The following NTRK1 variants were observed in gnomAD, a reference collection of about 807,000 sequenced individuals.
NTRK1 encodes neurotrophic receptor tyrosine kinase 1, also known as high affinity nerve growth factor receptor.
A neutral mutation model predicts 86.8 loss-of-function variants in NTRK1; 62 were observed. That is an observed-to-expected ratio of 0.71 (90% CI 0.58 to 0.88). NTRK1 has a LOEUF of 0.88. Among genes scored for constraint, NTRK1 ranks in the 40% least tolerant of loss-of-function variants. NTRK1 has a pLI of 0.00. For missense variants in NTRK1, 967 were observed against 1,078.4 expected (o/e 0.90, Z 1.45); for synonymous variants, 469 against 456.6 (o/e 1.03, Z -0.35).
chr1:156,876,263 T>C (rs1647899274), intron 13 of NTRK1, 53 bp downstream of exon 13: 4 of 1,612,392 alleles, frequency 2.5e-6, no homozygotes, highest in Non-Finnish European at 3.4e-6. Context: ...CCCCAGGAGC[T>C]CCATCACATC....
intron 1 of NTRK1, chr1:156,841,108 G>A (rs1156352369): frequency 6.4e-7 from 1 of 1,554,048 alleles, no homozygotes; most frequent in Non-Finnish European, 8.7e-7. Context: ...CTCCTGCCTG[G>A]TGGGTGTGGG....
At chr1:156,817,047 T>TCTCTC (rs1654008835) in intron 1 of NTRK1, among the ~76,000 whole-genome samples, 2 of 113,782 alleles carry the variant, frequency 1.8e-5, no homozygotes, top group Non-Finnish European at 3.7e-5. Flanking sequence ...GAACTTCCCT[T>TCTCTC]TCTCTCTCTC....
intron 1 of NTRK1, among the ~76,000 whole-genome samples, chr1:156,834,817 G>C (rs372841847): frequency 3.2e-4 from 12 of 37,648 alleles, no homozygotes; most frequent in South Asian, 1.9e-3. Flanking sequence ...CCGGGGAGAC[G>C]GGGGGTTGTA....
intron 2 of NTRK1, chr1:156,844,875 A>G (rs772911319): frequency 1.2e-6 from 2 of 1,612,552 alleles, no homozygotes; most frequent in South Asian, 2.2e-5. Context: ...AGCCGGGCCA[A>G]AAGTGGTTCA....
intron 1 of NTRK1, among the ~76,000 whole-genome samples, chr1:156,830,550 C>CTTT (rs5778003): frequency 3.8e-4 from 40 of 105,382 alleles, no homozygotes; most frequent in African/African-American, 9.2e-4. Flanking sequence ...TTGTGGGATT[C>CTTT]TTTTTTTTTT....
chr1:156,837,267 T>C (rs1008673460), intron 1 of NTRK1: 1 of 152,430 alleles, frequency 6.6e-6, no homozygotes, highest in Admixed American at 6.5e-5. Context: ...CAAGCACCCT[T>C]CACTTCAGCT....
At chr1:156,876,710 A>G in intron 14 of NTRK1, 138 bp downstream of exon 14, 1 of 1,090,840 alleles carries the variant, frequency 9.2e-7, no homozygotes. Context: ...TCCCGTCCCC[A>G]GGGAGCTCTG....
chr1:156,857,558 T>C (rs1264820546), upstream of NTRK1, among the ~76,000 whole-genome samples: 1 of 152,144 alleles, frequency 6.6e-6, no homozygotes, highest in East Asian at 1.9e-4. Context: ...GCATCTGCTG[T>C]GCAGAAGAGG....
intron 2 of NTRK1, chr1:156,845,725 A>G (rs1654974489): frequency 6.2e-7 from 1 of 1,613,438 alleles, no homozygotes; most frequent in Non-Finnish European, 8.5e-7. Context: ...GGGTGCTGGC[A>G]AGGGCAGCAG....
chr1:156,843,318 G>C, intron 2 of NTRK1: 1 of 1,561,130 alleles, frequency 6.4e-7, no homozygotes, highest in Non-Finnish European at 8.8e-7. Context: ...TCTTCTGAAG[G>C]GCTCTTGTCC....
chr1:156,855,037 C>G (rs1299221736), intron 2 of NTRK1, among the ~76,000 whole-genome samples: 1 of 152,158 alleles, frequency 6.6e-6, no homozygotes, highest in East Asian at 1.9e-4. Flanking sequence ...CTATAACAAG[C>G]CAGCAAAGCT....
intron 3 of NTRK1, among the ~76,000 whole-genome samples, chr1:156,865,489 C>G (rs750319650): frequency 6.6e-6 from 1 of 152,236 alleles, no homozygotes; most frequent in Non-Finnish European, 1.5e-5. Flanking sequence ...GGCGGTAATG[C>G]TCACTCACCG....
intron 2 of NTRK1, chr1:156,845,906 C>T: frequency 1.2e-6 from 2 of 1,600,584 alleles, no homozygotes; most frequent in Non-Finnish European, 1.7e-6. Flanking sequence ...TCCATCTCCC[C>T]TTCCCCACCC....
intron 2 of NTRK1, chr1:156,851,679 C>T (rs775141810): frequency 6.2e-7 from 1 of 1,614,212 alleles, no homozygotes; most frequent in East Asian, 2.2e-5. Flanking sequence ...AGGCTTCCCT[C>T]CACATGCGTG....
intron 2 of NTRK1, chr1:156,846,026 A>G (rs1654994903): frequency 1.2e-6 from 2 of 1,613,944 alleles, no homozygotes; most frequent in Admixed American, 1.7e-5. Flanking sequence ...GTAGTAGGTG[A>G]GGTTCCCATT....
At chr1:156,821,924 G>A (rs1654201908) in intron 1 of NTRK1, among the ~76,000 whole-genome samples, 1 of 152,156 alleles carries the variant, frequency 6.6e-6, no homozygotes, top group Admixed American at 6.5e-5. Flanking sequence ...AGATGCCATG[G>A]CCCATGTGTG....
intron 2 of NTRK1, chr1:156,843,020 A>G (rs1349405845): frequency 6.2e-7 from 1 of 1,613,448 alleles, no homozygotes; most frequent in African/African-American, 1.3e-5. Flanking sequence ...GTGACACTTG[A>G]AGGCTTTCAT....
Position 156,845,503 on chromosome 1 carries a change from C to T in NTRK1, c.50+3310C>T. The T allele has an allele frequency of 1.0e-5, 15 of 1,493,566 alleles. No individual in the cohort carries two copies. The South Asian group carries it at 1.9e-4, about 19-fold the overall frequency. The allele number at this position is 1,493,566 out of a possible 1,614,324, so 92.5% of individuals were successfully genotyped here. ...GTACCGCCTCCAAAAGCACCCACAA[C>T]CCGGGACCCGCCCACACAAGCAAGG... On this transcript the variant is annotated intron_variant, in intron 2 of 16. Transcript: ENST00000392302.
intron 1 of NTRK1, among the ~76,000 whole-genome samples, chr1:156,823,300 TGGA>T (rs1033971184): frequency 1.3e-5 from 2 of 152,236 alleles, no homozygotes; most frequent in Admixed American, 1.3e-4. Context: ...AGCTCCATCC[TGGA>T]GGAGAAGGCT....
Sources: allele counts gnomAD v4.1 joint callset (sites outside exome capture counted in the v4.1 genomes callset), GRCh38; gene constraint gnomAD v4.1.1; transcripts MANE v1.5; gene names NCBI Gene and HGNC (gene_info 2026-07-23, HGNC 2026-07-21).